Variants in DNAH5 observed in about 807,000 individuals in gnomAD.
The protein encoded by DNAH5 is dynein axonemal heavy chain 5, also known as axonemal beta dynein heavy chain 5.
Under a neutral mutation model 518.2 loss-of-function variants are expected in DNAH5, and 372 were observed. The ratio of observed to expected loss-of-function variants is 0.72; its 90% confidence interval spans 0.66 to 0.78. DNAH5 has a LOEUF of 0.78. Among genes scored for constraint, DNAH5 ranks in the 30% least tolerant of loss-of-function variants. The pLI, the probability that DNAH5 is intolerant of heterozygous loss-of-function variation, is 0.00. For synonymous variants in DNAH5, 2,039 were observed against 2,025.9 expected, an observed-to-expected ratio of 1.01 and a Z score of -0.17; for missense variants, 5,523 against 5,687.0, an observed-to-expected ratio of 0.97 and a Z score of 0.93.
At chr5:13,945,385 A>G (rs1323307328), upstream of DNAH5, among the ~76,000 whole-genome samples, 1 of 152,164 alleles carries the variant, frequency 6.6e-6, no homozygotes, top group African/African-American at 2.4e-5. Flanking sequence ...GGAAATTGGG[A>G]ACTCATCCTG....
At chr5:13,990,396 C>A (rs184782032) in intron 1 of DNAH5, among the ~76,000 whole-genome samples, 3 of 151,628 alleles carry the variant, frequency 2.0e-5, no homozygotes, top group Admixed American at 2.0e-4. Context: ...TCCAAACACA[C>A]GAAAAAATTA....
chr5:13,925,186 A>G (rs1226677450), intron 3 of DNAH5, among the ~76,000 whole-genome samples: 1 of 152,184 alleles, frequency 6.6e-6, no homozygotes, highest in East Asian at 1.9e-4. Context: ...CCTGGCTAAT[A>G]TCACCTGGGT....
chr5:13,849,250 A>G (rs970489706), intron 31 of DNAH5, among the ~76,000 whole-genome samples: 2 of 152,234 alleles, frequency 1.3e-5, no homozygotes, highest in Non-Finnish European at 2.9e-5. Flanking sequence ...CAGGGTTTAC[A>G]TCTCTCACGT....
chr5:13,745,390 G>T (rs895161732), intron 65 of DNAH5, among the ~76,000 whole-genome samples: 1 of 152,046 alleles, frequency 6.6e-6, no homozygotes, highest in Admixed American at 6.6e-5. Context: ...CATTTAAAAT[G>T]ACTGTTTTGA....
In DNAH5 at chr5:13,780,708, T is replaced by C. The variant is rs1754971053; in HGVS notation, c.8951+121A>G. 1.8e-6 allele frequency: 2 copies of C among 1,126,886 alleles called. 1 individual carries two copies. The highest frequency in any genetic ancestry group is 2.6e-5 in the South Asian group (2 of 77,230). 69.8% of individuals were successfully genotyped at this position (1,126,886 alleles called of 1,614,324 possible). On this transcript the variant is annotated intron_variant, in intron 53 of 78. Transcript: ENST00000265104. ...GACAGGGGAAGATGATAAGTCAACA[T>C]TCAAGAAGGAAAATGACTGTGACTC...
chr5:13,837,692 CTTTTTTTTTTTTTTTTT>C (rs534618242), intron 35 of DNAH5, among the ~76,000 whole-genome samples: 2 of 95,140 alleles, frequency 2.1e-5, no homozygotes, highest in African/African-American at 8.1e-5. Context: ...GGGAACTCCA[CTTTTTTTTTTTTTTTTT>C]TTTTTTTTTT....
At chr5:13,829,356 T>C (rs1303549221) in intron 38 of DNAH5, among the ~76,000 whole-genome samples, 154 bp downstream of exon 38, 2 of 152,166 alleles carry the variant, frequency 1.3e-5, no homozygotes, top group Admixed American at 6.5e-5. Flanking sequence ...AAACTATGCA[T>C]ATAAAATTAT....
At chr5:13,924,675 CA>C (rs5866075) in intron 3 of DNAH5, among the ~76,000 whole-genome samples, 56,953 of 112,716 alleles carry the variant, frequency 0.51, 11,640 homozygotes, top group East Asian at 0.84. Context: ...AACTCCGTCT[CA>C]AAAAAAAAAA....
At chr5:13,745,661 A>C (rs1749229862) in intron 65 of DNAH5, among the ~76,000 whole-genome samples, 2 of 152,012 alleles carry the variant, frequency 1.3e-5, no homozygotes, top group Non-Finnish European at 2.9e-5. Flanking sequence ...CTCCTTTCAC[A>C]AGACGAATCA....
chr5:13,923,544 T>C, intron 3 of DNAH5, 104 bp from the exon 4 acceptor site: 2 of 1,291,440 alleles, frequency 1.5e-6, no homozygotes, highest in Non-Finnish European at 2.2e-6. Context: ...TGTTGACTTG[T>C]CCATGTGCCT....
At chr5:13,715,952 C>A (rs997397030) in intron 74 of DNAH5, among the ~76,000 whole-genome samples, 3 of 152,186 alleles carry the variant, frequency 2.0e-5, no homozygotes, top group African/African-American at 7.2e-5. Context: ...AGTGATCCAA[C>A]CCTGAATGTC....
intron 65 of DNAH5, among the ~76,000 whole-genome samples, chr5:13,748,183 A>G (rs905873653): frequency 1.3e-5 from 2 of 152,128 alleles, no homozygotes; most frequent in African/African-American, 4.8e-5. Context: ...AAGATCAGAT[A>G]GTTGTAGATG....
intron 76 of DNAH5, among the ~76,000 whole-genome samples, chr5:13,702,640 T>C (rs989513229): frequency 6.6e-6 from 1 of 151,972 alleles, no homozygotes; most frequent in Non-Finnish European, 1.5e-5. Context: ...TACAAAACTC[T>C]CTGGCATGGA....
chr5:13,991,172 A>G (rs12655471), intron 1 of DNAH5, among the ~76,000 whole-genome samples: 9,264 of 152,156 alleles, frequency 0.061, 584 homozygotes, highest in East Asian at 0.2. Flanking sequence ...AGAAAACCAC[A>G]TTGTGAAAAG....
chr5:13,868,037 T>C, intron 24 of DNAH5, 45 bp from the exon 25 acceptor site: 2 of 1,346,522 alleles, frequency 1.5e-6, no homozygotes, highest in South Asian at 1.2e-5. Context: ...GTCAGATGCA[T>C]AAATCTACAC....
intron 46 of DNAH5, among the ~76,000 whole-genome samples, chr5:13,808,246 A>AAAAAAAAG (rs1377994954): frequency 2.1e-5 from 3 of 143,740 alleles, no homozygotes; most frequent in African/African-American, 8.2e-5. Flanking sequence ...AAAAAAAAAA[A>AAAAAAAAG]AAGAGGAAAT....
chr5:13,973,559 T>C (rs1782021882), intron 1 of DNAH5, among the ~76,000 whole-genome samples: 1 of 152,132 alleles, frequency 6.6e-6, no homozygotes, highest in Non-Finnish European at 1.5e-5. Flanking sequence ...AGTTTCCTCA[T>C]TTGTAAAATG....
chr5:13,993,892 C>A (rs1783740896), intron 1 of DNAH5, among the ~76,000 whole-genome samples: 1 of 152,198 alleles, frequency 6.6e-6, no homozygotes, highest in Non-Finnish European at 1.5e-5. Context: ...CCAGCTGTGA[C>A]CTTCCTCTGA....
chr5:13,933,970 C>G (rs1337696802), intron 1 of DNAH5, among the ~76,000 whole-genome samples: 1 of 152,078 alleles, frequency 6.6e-6, no homozygotes, highest in African/African-American at 2.4e-5. Context: ...CTTCTCACAG[C>G]TCTTTTGCAG....
Sources: allele counts gnomAD v4.1 joint callset (sites outside exome capture counted in the v4.1 genomes callset), GRCh38; gene constraint gnomAD v4.1.1; transcripts MANE v1.5; gene names NCBI Gene and HGNC (gene_info 2026-07-23, HGNC 2026-07-21).